The following RTN1 variants were observed in gnomAD, a reference collection of about 807,000 sequenced individuals.
The protein encoded by RTN1 is reticulon-1.
A neutral mutation model predicts 65.5 loss-of-function variants in RTN1; 25 were observed. That is an observed-to-expected ratio of 0.38 (90% CI 0.28 to 0.53). The LOEUF is 0.53. Among genes scored for constraint, RTN1 ranks in the 20% least tolerant of loss-of-function variants. The pLI, the probability that RTN1 is intolerant of heterozygous loss-of-function variation, is 0.79. For synonymous variants in RTN1, 471 were observed against 447.6 expected (o/e 1.05, Z -0.66); for missense variants, 983 against 1,025.4 (o/e 0.96, Z 0.57).
rs1023619908 is a variant in RTN1, at chr14:59,825,197, C to T, written c.241+45193G>A. 3.3e-5 allele frequency among the ~76,000 whole-genome samples: 5 copies of T among 152,186 alleles called. No homozygotes were observed. The highest frequency in any genetic ancestry group is 7.2e-5 in the African/African-American group (3 of 41,442). ...CTACCGACTAGGTGCCAATAGCACC[C>T]GAGTCATGTCTATTAAAAATGTCTC... On this transcript the variant is annotated intron_variant, in intron 1 of 8. Coordinates refer to ENST00000267484, the MANE Select transcript of RTN1 (RefSeq NM_021136.3). The surrounding 1 kb of genome is among the most constrained non-coding windows in gnomAD (Gnocchi z 4.2).
At chr14:59,688,144 C>T (rs1349934859) in intron 3 of RTN1, among the ~76,000 whole-genome samples, 4 of 152,198 alleles carry the variant, frequency 2.6e-5, no homozygotes, top group African/African-American at 4.8e-5. Flanking sequence ...GGCAGATCTC[C>T]AGGCATTCAA....
At chr14:59,853,253 A>C (rs768027057) in intron 1 of RTN1, among the ~76,000 whole-genome samples, 3 of 152,196 alleles carry the variant, frequency 2.0e-5, no homozygotes, top group African/African-American at 2.4e-5. Flanking sequence ...TGTCACAGGC[A>C]TGATCAACCC....
In RTN1 at chr14:59,639,022, C is replaced by A. The variant is rs184750058; in HGVS notation, c.1766-31530G>T. Among the ~76,000 whole-genome samples, 21 of 152,298 alleles carry A rather than the reference C, an allele frequency of 1.4e-4. No individual in the cohort carries two copies. In the South Asian group the frequency reaches 2.5e-3, roughly 18 times the overall value. On this transcript the variant is annotated intron_variant, in intron 3 of 8. Transcript: ENST00000267484. ...TTAAAGTGAGAGATGTATGACTCTT[C>A]CTTTCACTCGAACACTTAGAAGCCA...
chr14:59,610,923 C>T (rs879577663), intron 3 of RTN1, among the ~76,000 whole-genome samples: 67 of 152,246 alleles, frequency 4.4e-4, no homozygotes, highest in Non-Finnish European at 5.6e-4. Context: ...TGGCCCCCAC[C>T]CAGGAATTGA....
At chr14:59,709,408 C>G (rs1293719846) in intron 3 of RTN1, among the ~76,000 whole-genome samples, 1 of 152,136 alleles carries the variant, frequency 6.6e-6, no homozygotes, top group African/African-American at 2.4e-5. Flanking sequence ...TTTGAAGGGA[C>G]AACCTTACCT....
chr14:59,598,167 T>C (rs978551171), intron 8 of RTN1, among the ~76,000 whole-genome samples: 5 of 152,160 alleles, frequency 3.3e-5, no homozygotes, highest in Non-Finnish European at 2.9e-5. Flanking sequence ...GCCTGGATTG[T>C]ATGGTAGACA....
intron 3 of RTN1, among the ~76,000 whole-genome samples, chr14:59,635,890 G>A (rs901367323): frequency 1.3e-5 from 2 of 152,036 alleles, no homozygotes; most frequent in African/African-American, 4.8e-5. Flanking sequence ...TGTTAATAAT[G>A]AATCTACCTT....
At position 59,774,310 on chromosome 14, in the gene RTN1, T is replaced by A. The variant is rs1026334666; in HGVS notation, c.242-27829A>T. Among the ~76,000 whole-genome samples, 4 of 152,202 alleles carry A rather than the reference T, an allele frequency of 2.6e-5. No homozygotes were observed. The highest frequency in any genetic ancestry group is 9.6e-5 in the African/African-American group (4 of 41,458). ...GCATTCCATTTGTAAGAACATGGAC[T>A]CGACTCTGAATTAAAGTGTAAAAAT... is the stretch of plus-strand genomic sequence containing the variant. On this transcript the variant is annotated intron_variant, in intron 1 of 8. Transcript: ENST00000267484. This position sits in a 1 kb window ranked among gnomAD's most constrained non-coding sequence, Gnocchi z 5.1.
chr14:59,694,608 C>T (rs780191888), intron 3 of RTN1, among the ~76,000 whole-genome samples: 1 of 152,156 alleles, frequency 6.6e-6, no homozygotes, highest in Admixed American at 6.5e-5. Context: ...GAGAAAAATG[C>T]TATATGGTGT....
chr14:59,781,902 T>G (rs369108624), intron 1 of RTN1, among the ~76,000 whole-genome samples: 1 of 152,210 alleles, frequency 6.6e-6, no homozygotes, highest in Non-Finnish European at 1.5e-5. Flanking sequence ...CATGAAGATA[T>G]GATCCTGTGA....
At chr14:59,681,573 A>C (rs1364828730) in intron 3 of RTN1, among the ~76,000 whole-genome samples, 1 of 152,052 alleles carries the variant, frequency 6.6e-6, no homozygotes, top group Non-Finnish European at 1.5e-5. Flanking sequence ...GGGCTCTCTC[A>C]CTCATGCTCA....
chr14:59,681,442 T>C (rs1883743571), intron 3 of RTN1, among the ~76,000 whole-genome samples: 1 of 152,194 alleles, frequency 6.6e-6, no homozygotes, highest in African/African-American at 2.4e-5. Flanking sequence ...CAACCCTTTT[T>C]TCTAGCTCCA....
chr14:59,756,539 A>G (rs933563872), intron 1 of RTN1, among the ~76,000 whole-genome samples: 4 of 152,172 alleles, frequency 2.6e-5, no homozygotes, highest in African/African-American at 7.2e-5. Context: ...AATGTTTCCA[A>G]TCAGAGAGGG....
At chr14:59,717,897 G>A (rs1448369077) in intron 3 of RTN1, among the ~76,000 whole-genome samples, 1 of 152,192 alleles carries the variant, frequency 6.6e-6, no homozygotes, top group Admixed American at 6.5e-5. Context: ...CTAGAGTAAT[G>A]ATTCTCAAGT....
intron 2 of RTN1, among the ~76,000 whole-genome samples, chr14:59,740,575 A>C (rs75140014): frequency 6.6e-6 from 1 of 152,166 alleles, no homozygotes; most frequent in Non-Finnish European, 1.5e-5. Context: ...TATTTACTCA[A>C]GAGTAAGGAT....
At chr14:59,869,936 G>A (rs1055113237) in intron 1 of RTN1, among the ~76,000 whole-genome samples, 3 of 152,132 alleles carry the variant, frequency 2.0e-5, no homozygotes, top group Non-Finnish European at 4.4e-5. Flanking sequence ...GCCGGGTCCA[G>A]GGGCCGCGGG....
chr14:59,747,055 G>A (rs1431419253), intron 1 of RTN1, among the ~76,000 whole-genome samples: 1 of 152,154 alleles, frequency 6.6e-6, no homozygotes, highest in African/African-American at 2.4e-5. Context: ...CTAGCTTTGG[G>A]CCTCATTCCA....
At chr14:59,805,688 G>C (rs1886623224) in intron 1 of RTN1, among the ~76,000 whole-genome samples, 1 of 152,110 alleles carries the variant, frequency 6.6e-6, no homozygotes, top group South Asian at 2.1e-4. Context: ...TTTCTTTCAT[G>C]AAAGTCTTTA....
rs990608850 is a variant in RTN1 at position 59,666,656 on chromosome 14, T to C, written c.1766-59164A>G. 4.6e-5 allele frequency among the ~76,000 whole-genome samples: 7 copies of C among 152,046 alleles called. No homozygotes were observed. The East Asian group carries it at 5.8e-4, about 13-fold the overall frequency. ...AAAAAAAATCAATGAATCCAGGAGA[T>C]GGTTTTTTCAAAAGATCAACAAAAT... On this transcript the variant is annotated intron_variant, in intron 3 of 8. Coordinates refer to ENST00000267484, the MANE Select transcript of RTN1 (RefSeq NM_021136.3).
Sources: allele counts gnomAD v4.1 joint callset (sites outside exome capture counted in the v4.1 genomes callset), GRCh38; gene constraint gnomAD v4.1.1; non-coding constraint Gnocchi (gnomAD v3.1); transcripts MANE v1.5; gene names NCBI Gene and HGNC (gene_info 2026-07-23, HGNC 2026-07-21).